PIP5K1B: variants seen among roughly 807,000 people sequenced by gnomAD.
PIP5K1B encodes phosphatidylinositol 4-phosphate 5-kinase type-1 beta.
In PIP5K1B, 42 loss-of-function variants were observed where a neutral mutation model predicts 67.0. The observed-to-expected ratio is 0.63, with a 90% CI of 0.49 to 0.81. PIP5K1B has a LOEUF of 0.81. PIP5K1B is among the 30% of genes least tolerant of loss of function. PIP5K1B has a pLI of 0.00. For synonymous variants in PIP5K1B, 214 were observed against 231.4 expected (o/e 0.92, Z 0.68); for missense variants, 459 against 646.3 (o/e 0.71, Z 3.14).
chr9:68,763,398 T>C lies in PIP5K1B; in HGVS notation c.-86+20741T>C, dbSNP rs115498619. Among the ~76,000 whole-genome samples the C allele has an allele frequency of 4.0e-3, 614 of 152,208 alleles. 6 individuals carry two copies. The highest frequency in any genetic ancestry group is 0.014 in the African/African-American group (580 of 41,532). On this transcript the variant is annotated intron_variant, in intron 2 of 15. Coordinates refer to ENST00000265382, the MANE Select transcript of PIP5K1B (RefSeq NM_003558.4). ...ACACTACCTACCTTGTGGGGTTTTG[T>C]GAGTTTTAAATGAGATATCATCAGT...
chr9:68,950,621 C>T (rs1408561488), intron 14 of PIP5K1B, among the ~76,000 whole-genome samples: 1 of 152,204 alleles, frequency 6.6e-6, no homozygotes, highest in Non-Finnish European at 1.5e-5. Context: ...AGGTGAACTT[C>T]CAGGTTCATG....
intron 4 of PIP5K1B, among the ~76,000 whole-genome samples, chr9:68,842,331 A>C (rs1310210637): frequency 2.0e-5 from 3 of 152,206 alleles, no homozygotes; most frequent in Non-Finnish European, 4.4e-5. Flanking sequence ...ATCATGACAA[A>C]AGCAACAGCA....
At chr9:68,818,115 C>T (rs1833547488) in intron 2 of PIP5K1B, among the ~76,000 whole-genome samples, 1 of 152,172 alleles carries the variant, frequency 6.6e-6, no homozygotes, top group South Asian at 2.1e-4. Flanking sequence ...CTCCAGATAC[C>T]TGTGGTTCAT....
chr9:68,952,125 A>G (rs1828107873), intron 14 of PIP5K1B, among the ~76,000 whole-genome samples: 1 of 152,104 alleles, frequency 6.6e-6, no homozygotes, highest in Non-Finnish European at 1.5e-5. Flanking sequence ...ATAGTGTCAT[A>G]TACTATGTTT....
intron 4 of PIP5K1B, among the ~76,000 whole-genome samples, chr9:68,836,201 C>T (rs1834598365): frequency 3.3e-5 from 5 of 152,158 alleles, no homozygotes; most frequent in Admixed American, 3.3e-4. Context: ...CATAGTCCCT[C>T]GCCCCAGGTT....
At chr9:68,934,546 A>T (rs1827158328) in intron 12 of PIP5K1B, among the ~76,000 whole-genome samples, 1 of 152,172 alleles carries the variant, frequency 6.6e-6, no homozygotes, top group Non-Finnish European at 1.5e-5. Flanking sequence ...GCACTAGAAA[A>T]ACATTGTTTG....
chr9:68,872,397 G>T (rs917602233), intron 5 of PIP5K1B, among the ~76,000 whole-genome samples: 1 of 152,188 alleles, frequency 6.6e-6, no homozygotes, highest in African/African-American at 2.4e-5. Context: ...TGTCAAGCTG[G>T]TATTTGTTAT....
chr9:68,878,247 A>G (rs1370943365), intron 6 of PIP5K1B, among the ~76,000 whole-genome samples: 1 of 152,170 alleles, frequency 6.6e-6, no homozygotes, highest in African/African-American at 2.4e-5. Flanking sequence ...AGCTGAAGAG[A>G]TGCCTTAGAC....
At chr9:68,885,669 A>G (rs186415495) in intron 6 of PIP5K1B, among the ~76,000 whole-genome samples, 24 of 141,178 alleles carry the variant, frequency 1.7e-4, no homozygotes, top group Non-Finnish European at 3.3e-4. Flanking sequence ...TATAATGGAC[A>G]TTGAAGACTT....
intron 2 of PIP5K1B, among the ~76,000 whole-genome samples, chr9:68,787,457 T>C (rs1831690200): frequency 6.6e-6 from 1 of 152,156 alleles, no homozygotes; most frequent in South Asian, 2.1e-4. Context: ...CAACTCTTCT[T>C]CCCATCCCTC....
intron 4 of PIP5K1B, among the ~76,000 whole-genome samples, chr9:68,829,190 G>A (rs193015569): frequency 3.3e-5 from 5 of 152,292 alleles, no homozygotes; most frequent in East Asian, 1.9e-4. Flanking sequence ...AACAAATAAC[G>A]TTTCAGGATT....
intron 2 of PIP5K1B, among the ~76,000 whole-genome samples, chr9:68,798,726 T>C (rs953012482): frequency 6.6e-6 from 1 of 152,176 alleles, no homozygotes; most frequent in South Asian, 2.1e-4. Context: ...TAAGAAGACA[T>C]TAAAGGGTTT....
At chr9:68,955,920 A>G (rs191924843) in intron 14 of PIP5K1B, among the ~76,000 whole-genome samples, 16 of 152,306 alleles carry the variant, frequency 1.1e-4, no homozygotes, top group Admixed American at 3.3e-4. Flanking sequence ...TACAGATATT[A>G]TTTTATTTAA....
intron 4 of PIP5K1B, among the ~76,000 whole-genome samples, chr9:68,844,181 G>A (rs1822063530): frequency 6.6e-6 from 1 of 152,206 alleles, no homozygotes; most frequent in South Asian, 2.1e-4. Flanking sequence ...TTGGCATTGA[G>A]ATGATCTTCA....
chr9:68,977,416 G>T (rs1465199338), intron 14 of PIP5K1B, among the ~76,000 whole-genome samples: 1 of 152,128 alleles, frequency 6.6e-6, no homozygotes, highest in Non-Finnish European at 1.5e-5. Context: ...CCAGCTACCT[G>T]GGAGGCTGAG....
At chr9:68,880,863 A>T (rs542717195) in intron 6 of PIP5K1B, among the ~76,000 whole-genome samples, 1 of 152,154 alleles carries the variant, frequency 6.6e-6, no homozygotes, top group Non-Finnish European at 1.5e-5. Context: ...CACAGGACTG[A>T]GGCAGCTCCC....
intron 2 of PIP5K1B, among the ~76,000 whole-genome samples, chr9:68,787,016 A>G (rs1831662978): frequency 6.6e-6 from 1 of 152,200 alleles, no homozygotes; most frequent in African/African-American, 2.4e-5. Context: ...GGCCCTCTCC[A>G]ATACCATGAC....
chr9:68,965,622 C>T (rs1828980478), intron 14 of PIP5K1B: 1 of 152,138 alleles, frequency 6.6e-6, no homozygotes, highest in Admixed American at 6.5e-5. Context: ...TTCAGTGGTT[C>T]CATACTTAAA....
intron 14 of PIP5K1B, among the ~76,000 whole-genome samples, chr9:68,983,052 ATC>A (rs1034772739): frequency 2.6e-5 from 4 of 152,130 alleles, no homozygotes; most frequent in African/African-American, 9.7e-5. Flanking sequence ...ACCTTTACTA[ATC>A]TCTCTTTGCT....
Sources: gnomAD v4.1 joint callset for allele counts (sites outside exome capture counted in the v4.1 genomes callset) on GRCh38, gnomAD v4.1.1 for gene constraint, MANE v1.5 for transcripts, NCBI Gene and HGNC (gene_info 2026-07-23, HGNC 2026-07-21) for gene names.